SLC35F4: variants seen among roughly 807,000 people sequenced by gnomAD.
SLC35F4 encodes chromosome 14 open reading frame 36.
SLC35F4 carries 24 observed loss-of-function variants against 44.2 expected under a neutral mutation model. The ratio of observed to expected loss-of-function variants is 0.54; its 90% CI spans 0.39 to 0.76. The LOEUF (loss-of-function observed/expected upper bound fraction) is 0.76. SLC35F4 is among the 30% of genes least tolerant of loss of function. The pLI, the probability that SLC35F4 is intolerant of heterozygous loss-of-function variation, is 0.00. For synonymous variants in SLC35F4, 238 were observed against 223.6 expected (o/e 1.06, Z -0.57); for missense variants, 562 against 586.1 (o/e 0.96, Z 0.42).
chr14:57,609,607 G>A (rs1416297402), intron 1 of SLC35F4, among the ~76,000 whole-genome samples: 1 of 152,210 alleles, frequency 6.6e-6, no homozygotes, highest in African/African-American at 2.4e-5. Flanking sequence ...GCTGACAGTT[G>A]AGCATAGAAT....
chr14:57,789,665 A>C (rs1249908866), intron 1 of SLC35F4, among the ~76,000 whole-genome samples: 1 of 152,244 alleles, frequency 6.6e-6, no homozygotes, highest in African/African-American at 2.4e-5. Context: ...AATCATCCTG[A>C]TATCAAAACC....
intron 3 of SLC35F4, among the ~76,000 whole-genome samples, chr14:57,587,163 C>T (rs1178052782): frequency 1.3e-5 from 2 of 152,206 alleles, no homozygotes; most frequent in Non-Finnish European, 2.9e-5. Flanking sequence ...AATGCTTCTA[C>T]ACTGTTGGTG....
intron 1 of SLC35F4, among the ~76,000 whole-genome samples, chr14:57,666,896 C>A (rs1268739709): frequency 6.6e-6 from 1 of 151,790 alleles, no homozygotes; most frequent in South Asian, 2.1e-4. Flanking sequence ...CAGTCTTTGC[C>A]CCCAGGGAGA....
chr14:57,777,596 G>A (rs967847973), intron 1 of SLC35F4, among the ~76,000 whole-genome samples: 8 of 151,972 alleles, frequency 5.3e-5, no homozygotes, highest in African/African-American at 1.9e-4. Context: ...ATGGACACAG[G>A]GCAGGGAACA....
Position 57,571,988 on chromosome 14 carries a change from A to G in SLC35F4, c.839T>C (p.Ile280Thr). The change falls in exon 5 of 8, where the codon ATT (isoleucine) becomes ACT (threonine). Residue 280 changes from isoleucine to threonine, a missense_variant. Ile to Thr is a moderately conservative substitution (Grantham distance 89). Coordinates refer to ENST00000556826, the MANE Select transcript of SLC35F4 (RefSeq NM_001306087.2). ...ATTATCTGCATATGCCATCATGACA[A>G]TGCCGGTAATTGCCATTATTGCAGC... ...IVAAIMAITG[I>T]VMMAYADNFH... 1 of 1,611,626 alleles carries G rather than the reference A, an allele frequency of 6.2e-7. No individual in the cohort carries two copies. Among genetic ancestry groups the G allele is most frequent in the Non-Finnish European group, 8.5e-7 (1 of 1,178,744 alleles).
At chr14:57,656,108 C>T (rs1434260138) in intron 1 of SLC35F4, among the ~76,000 whole-genome samples, 3 of 152,036 alleles carry the variant, frequency 2.0e-5, no homozygotes, top group Admixed American at 1.3e-4. Flanking sequence ...CTGCCCTCGG[C>T]TCTGCTCCAT....
intron 1 of SLC35F4, among the ~76,000 whole-genome samples, chr14:57,979,918 T>C (rs763006794): frequency 5.3e-5 from 8 of 152,258 alleles, no homozygotes; most frequent in Admixed American, 2.6e-4. Flanking sequence ...TGGAAAATAG[T>C]AAATGTCATA....
intron 4 of SLC35F4, among the ~76,000 whole-genome samples, chr14:57,573,177 C>T (rs1045530378): frequency 6.6e-6 from 1 of 152,104 alleles, no homozygotes; most frequent in African/African-American, 2.4e-5. Context: ...ATTACTGACT[C>T]GCTTGAGGCC....
At chr14:57,704,265 G>C (rs2075613812) in intron 1 of SLC35F4, among the ~76,000 whole-genome samples, 1 of 152,122 alleles carries the variant, frequency 6.6e-6, no homozygotes, top group African/African-American at 2.4e-5. Context: ...TAAAAGTCTG[G>C]TCGGACGGAA....
intron 1 of SLC35F4, among the ~76,000 whole-genome samples, chr14:57,939,508 G>A (rs1450463442): frequency 6.6e-6 from 1 of 152,192 alleles, no homozygotes; most frequent in Non-Finnish European, 1.5e-5. Flanking sequence ...AGGACCATGG[G>A]TCTTCCATGT....
chr14:57,893,942 A>C (rs183018440), intron 1 of SLC35F4, among the ~76,000 whole-genome samples: 1 of 152,296 alleles, frequency 6.6e-6, no homozygotes, highest in Admixed American at 6.5e-5. Flanking sequence ...GAAATTCAAA[A>C]GTATTTTGGT....
chr14:57,830,225 T>C (rs1884221076), intron 1 of SLC35F4, among the ~76,000 whole-genome samples: 1 of 152,210 alleles, frequency 6.6e-6, no homozygotes, highest in Non-Finnish European at 1.5e-5. Context: ...TTGTAACATT[T>C]CAACTGTGTG....
At chr14:57,652,058 G>A (rs972288306) in intron 1 of SLC35F4, among the ~76,000 whole-genome samples, 3 of 152,194 alleles carry the variant, frequency 2.0e-5, no homozygotes, top group African/African-American at 7.2e-5. Context: ...GCTCCAAGAG[G>A]AAAGACAGAC....
At chr14:57,964,255 T>C (rs1227139644) in intron 1 of SLC35F4, among the ~76,000 whole-genome samples, 1 of 152,082 alleles carries the variant, frequency 6.6e-6, no homozygotes, top group African/African-American at 2.4e-5. Context: ...GATCACCCAC[T>C]TGTAACAATC....
chr14:57,912,673 C>T (rs8009757), intron 1 of SLC35F4, among the ~76,000 whole-genome samples: 5,529 of 151,992 alleles, frequency 0.036, 287 homozygotes, highest in African/African-American at 0.11. Context: ...TTAAGCTGTG[C>T]TTTATGGCCC....
At chr14:57,678,430 G>C (rs1287696144) in intron 1 of SLC35F4, among the ~76,000 whole-genome samples, 1 of 152,010 alleles carries the variant, frequency 6.6e-6, no homozygotes, top group Non-Finnish European at 1.5e-5. Flanking sequence ...CAATTGTAAA[G>C]ATCATCGATC....
chr14:57,802,666 A>G (rs998409891), intron 1 of SLC35F4, among the ~76,000 whole-genome samples: 23 of 152,182 alleles, frequency 1.5e-4, no homozygotes, highest in African/African-American at 5.5e-4. Context: ...AGAAACAACC[A>G]TCAGAGAATG....
At chr14:57,661,188 A>G (rs1399091629) in intron 1 of SLC35F4, among the ~76,000 whole-genome samples, 1 of 152,158 alleles carries the variant, frequency 6.6e-6, no homozygotes, top group Non-Finnish European at 1.5e-5. Context: ...TGGTAACGCA[A>G]TCAGTGTCAT....
intron 1 of SLC35F4, among the ~76,000 whole-genome samples, chr14:57,776,895 G>A (rs1010479226): frequency 6.6e-6 from 1 of 152,118 alleles, no homozygotes; most frequent in African/African-American, 2.4e-5. Flanking sequence ...TTTCAGACAA[G>A]CAAATGCCGA....
Sources: allele counts gnomAD v4.1 joint callset (sites outside exome capture counted in the v4.1 genomes callset), GRCh38; gene constraint gnomAD v4.1.1; transcripts MANE v1.5; gene names NCBI Gene and HGNC (gene_info 2026-07-23, HGNC 2026-07-21).